WIPI2: variants seen among roughly 807,000 people sequenced by gnomAD.
WIPI2 encodes the protein WD repeat domain phosphoinositide-interacting protein 2.
A neutral mutation model predicts 52.3 loss-of-function variants in WIPI2; 28 were observed. That is an observed-to-expected ratio of 0.54 (90% confidence interval 0.40 to 0.73). The LOEUF (loss-of-function observed/expected upper bound fraction) is 0.73, where lower values mean the gene tolerates loss of function less well. Ranked by LOEUF, WIPI2 falls within the 30% of genes least tolerant of loss-of-function variation. The pLI, the probability that WIPI2 is intolerant of heterozygous loss-of-function variation, is 0.00. For missense variants in WIPI2, 506 were observed against 602.9 expected (o/e 0.84, Z 1.68); for synonymous variants, 268 against 245.0 (o/e 1.09, Z -0.88).
chr7:5,206,877 A>C (rs1326719299), intron 3 of WIPI2, among the ~76,000 whole-genome samples: 1 of 152,202 alleles, frequency 6.6e-6, no homozygotes, highest in African/African-American at 2.4e-5. Context: ...TCTGGGGCTC[A>C]AGCGATCCTC....
rs1348608988 is a variant in WIPI2 at position 5,199,797 on chromosome 7, C to T, written c.211+139C>T. The T allele has an allele frequency of 7.0e-6, 6 of 857,640 alleles. No homozygotes were observed. In the African/African-American group the frequency reaches 8.6e-5, roughly 12 times the overall value. 53.1% of individuals were successfully genotyped at this position (857,640 alleles called of 1,614,324 possible). ...CAGTCCTCTGCTTCCACCTTCATCT[C>T]CCCAAGAGGTGGCAACTGGTGACAC... On this transcript the variant is annotated intron_variant, in intron 3 of 12. Coordinates refer to ENST00000288828, the MANE Select transcript of WIPI2 (RefSeq NM_015610.4).
chr7:5,203,349 G>A (rs953001242), intron 3 of WIPI2, among the ~76,000 whole-genome samples: 6 of 152,190 alleles, frequency 3.9e-5, no homozygotes, highest in African/African-American at 1.4e-4. Context: ...TGGCGGAGCC[G>A]CAGACACACA....
chr7:5,203,215 A>G (rs1272971311), intron 3 of WIPI2, among the ~76,000 whole-genome samples: 2 of 152,200 alleles, frequency 1.3e-5, no homozygotes, highest in Admixed American at 1.3e-4. Context: ...TTTGACAGGC[A>G]GTGCACTGGT....
At chr7:5,207,494 T>G (rs1316565106) in intron 3 of WIPI2, among the ~76,000 whole-genome samples, 2 of 152,234 alleles carry the variant, frequency 1.3e-5, no homozygotes, top group Non-Finnish European at 2.9e-5. Context: ...TTGCCCAGTA[T>G]GTGAATATAT....
rs888897200 is a variant in WIPI2, at chr7:5,233,642, C to T, written c.*2695C>T. The T allele has an allele frequency of 2.0e-5, 3 of 152,470 alleles. No homozygotes were observed. The highest frequency in any genetic ancestry group is 4.8e-5 in the African/African-American group (2 of 41,408). The allele number at this position is 152,470 out of a possible 1,614,324, so 9.4% of individuals were successfully genotyped here. ...AAGAACTGCTTCAGTCCCCGCTGTA[C>T]CGCCTGCCTAGCTGTGGGAGCAGGC... is the stretch of plus-strand genomic sequence containing the variant. On this transcript the variant is annotated 3_prime_UTR_variant, in exon 13 of 13. Coordinates refer to ENST00000288828, the MANE Select transcript of WIPI2 (RefSeq NM_015610.4).
Position 5,190,878 on chromosome 7 carries a change from C to T in WIPI2, c.74+385C>T, listed in dbSNP as rs181414708. 327 of 176,210 alleles carry T rather than the reference C, an allele frequency of 1.9e-3. 1 individual carries two copies. The highest frequency in any genetic ancestry group is 7.4e-3 in the African/African-American group (316 of 42,474). The allele number at this position is 176,210 out of a possible 1,614,324, so 10.9% of individuals were successfully genotyped here. ...GCTTCCTCTCCTCTCGTCTCCTCTT[C>T]CCGCTGCTTGCTCAGCGTCTCCCAC... On this transcript the variant is annotated intron_variant, in intron 1 of 12. Transcript: ENST00000288828.
In WIPI2 at chr7:5,225,920, G is replaced by A. The variant is rs748699055; in HGVS notation, c.838G>A (p.Val280Met). The change falls in exon 9 of 13, where the codon GTG (valine) becomes ATG (methionine). Residue 280 changes from valine (V) to methionine (M), a missense_variant. Val to Met is a conservative substitution (Grantham distance 21). This residue lies in a region of WIPI2 where 237 missense variants were observed against 346.9 expected (regional missense o/e 0.68). Coordinates refer to ENST00000288828, the MANE Select transcript of WIPI2 (RefSeq NM_015610.4). ...ETVHIFKLETVKEKPPEEPTT... is the reference protein window; with the variant it reads ...ETVHIFKLETMKEKPPEEPTT... ...CGTGCACATCTTCAAACTCGAGACT[G>A]TGAAAGAAAAGTGAGTTGCAAATAT... The A allele has an allele frequency of 6.2e-7, 1 of 1,613,570 alleles. No homozygotes were observed.
At position 5,230,927 on chromosome 7, in the gene WIPI2, A is replaced by G; in HGVS notation, c.1345A>G (p.Met449Val). ...RLDEDSEHPP[M>V]ILRTD Reference sequence around the variant, plus strand: ...GGATGAGGACAGCGAGCACCCGCCCATGATTCTTCGGACTGACTGAACTTG... The same window carrying G: ...GGATGAGGACAGCGAGCACCCGCCCGTGATTCTTCGGACTGACTGAACTTG... The change falls in exon 13 of 13, where the codon ATG becomes GTG. Residue 449 changes from methionine to valine, a missense_variant. Met to Val is a conservative substitution (Grantham distance 21). Around this residue, in one of 4 missense-constraint regions of WIPI2, gnomAD observed 194 missense variants for 175.1 expected, o/e 1.11. Transcript: ENST00000288828. The surrounding 1 kb of genome is among the most constrained non-coding windows in gnomAD (Gnocchi z 4.8). 1 of 1,612,894 alleles carries G rather than the reference A, an allele frequency of 6.2e-7. No homozygotes were observed. The highest frequency in any genetic ancestry group is 8.5e-7 in the Non-Finnish European group (1 of 1,179,424).
At chr7:5,213,716 C>T (rs1304052475) in intron 3 of WIPI2, among the ~76,000 whole-genome samples, 3 of 152,148 alleles carry the variant, frequency 2.0e-5, no homozygotes, top group Non-Finnish European at 2.9e-5. Flanking sequence ...GATGGAGTCT[C>T]GCTCTGTGGC....
intron 7 of WIPI2, among the ~76,000 whole-genome samples, chr7:5,222,014 GTC>G (rs1783163870): frequency 1.4e-5 from 2 of 145,556 alleles, no homozygotes; most frequent in Non-Finnish European, 3.0e-5. Flanking sequence ...CAGTGGTGCA[GTC>G]TCGGCTCACT....
At position 5,232,863 on chromosome 7, in the gene WIPI2, A is replaced by G. The variant is rs1433682232; in HGVS notation, c.*1916A>G. ...GTTCTGGTGCCTGCCTGTGGTGGTGATTTGGAGACTCAAATTTCCTTTGCC... is the reference window on the plus strand; with the variant it reads ...GTTCTGGTGCCTGCCTGTGGTGGTGGTTTGGAGACTCAAATTTCCTTTGCC... On this transcript the variant is annotated 3_prime_UTR_variant, in exon 13 of 13. Transcript: ENST00000288828. The G allele has an allele frequency of 6.6e-6, 1 of 152,394 alleles. No individual in the cohort carries two copies. Among genetic ancestry groups the G allele is most frequent in the Non-Finnish European group, 1.5e-5 (1 of 68,216 alleles). The allele number at this position is 152,394 out of a possible 1,614,324, so 9.4% of individuals were successfully genotyped here. A position where few individuals can be genotyped will look rare whatever the true frequency, so the allele number is the denominator to read the frequency against.
intron 4 of WIPI2, among the ~76,000 whole-genome samples, chr7:5,215,710 T>C (rs1396535480): frequency 6.6e-6 from 1 of 152,234 alleles, no homozygotes; most frequent in Non-Finnish European, 1.5e-5. Flanking sequence ...ACTGACATAG[T>C]TGGTTAGAAT....
At position 5,232,276 on chromosome 7, in the gene WIPI2, G is replaced by A; in HGVS notation, c.*1329G>A. 2.5e-6 allele frequency: 1 copy of A among 398,680 alleles called. No individual in the cohort carries two copies. The highest frequency in any genetic ancestry group is 4.4e-6 in the Non-Finnish European group (1 of 226,068). 24.7% of individuals were successfully genotyped at this position (398,680 alleles called of 1,614,324 possible). On this transcript the variant is annotated 3_prime_UTR_variant, in exon 13 of 13. Transcript: ENST00000288828. ...AAGGCTGGGACGCCTGTTTCCAGAT[G>A]GTTGTCATGGTCACGCTGGGCGAAG... is the stretch of plus-strand genomic sequence containing the variant.
At chr7:5,220,088 A>C (rs4720534) in intron 7 of WIPI2, among the ~76,000 whole-genome samples, 67,695 of 151,792 alleles carry the variant, frequency 0.45, 15,350 homozygotes, top group East Asian at 0.65. Context: ...TACAAACCTC[A>C]GCCTCCCAAA....
Position 5,228,155 on chromosome 7 carries a change from C to T in WIPI2, c.1065C>T (p.Tyr355=). Residue 355 remains tyrosine (Y), a synonymous_variant, in exon 11 of 13, where the codon TAC becomes TAT. Coordinates refer to ENST00000288828, the MANE Select transcript of WIPI2 (RefSeq NM_015610.4). ...TGGGTGCCGCCGACGGGTACCTGTA[C>T]ATGTACAACCTGGACCCCCAGGAGG... ...LLVGAADGYL[Y]MYNLDPQEGG... is the part of the protein sequence containing the mutation. The T allele has an allele frequency of 6.2e-7, 1 of 1,613,964 alleles. No individual in the cohort carries two copies. The highest frequency in any genetic ancestry group is 1.1e-5 in the South Asian group (1 of 91,074).
intron 1 of WIPI2, among the ~76,000 whole-genome samples, chr7:5,191,100 A>G (rs190156160): frequency 6.6e-6 from 1 of 151,498 alleles, no homozygotes; most frequent in Non-Finnish European, 1.5e-5. Context: ...GCTCACTGCA[A>G]CCTCCGCCTC....
chr7:5,222,013 A>G (rs920559360), intron 7 of WIPI2, among the ~76,000 whole-genome samples: 9 of 140,798 alleles, frequency 6.4e-5, no homozygotes, highest in African/African-American at 2.4e-4. Flanking sequence ...GCAGTGGTGC[A>G]GTCTCGGCTC....
At chr7:5,223,970 A>T (rs75913586) in intron 8 of WIPI2, among the ~76,000 whole-genome samples, 3,663 of 152,308 alleles carry the variant, frequency 0.024, 144 homozygotes, top group African/African-American at 0.083. Context: ...GATTCCTGTC[A>T]GGCCGTTCTT....
chr7:5,201,508 C>T (rs1234180279), intron 3 of WIPI2, among the ~76,000 whole-genome samples: 1 of 152,190 alleles, frequency 6.6e-6, no homozygotes, highest in Non-Finnish European at 1.5e-5. Context: ...CTTTGTAAGG[C>T]CAGGACAGGC....
Sources: gnomAD v4.1 joint callset for allele counts (sites outside exome capture counted in the v4.1 genomes callset) on GRCh38, gnomAD v4.1.1 for gene constraint, gnomAD v4.1.1 regional missense constraint, Gnocchi (gnomAD v3.1) non-coding constraint, MANE v1.5 for transcripts, NCBI Gene and HGNC (gene_info 2026-07-23, HGNC 2026-07-21) for gene names.